Variants in UBASH3A observed in about 807,000 individuals in gnomAD.
The protein encoded by UBASH3A is ubiquitin-associated and SH3 domain-containing protein A.
Under a neutral mutation model 73.5 loss-of-function variants are expected in UBASH3A, and 63 were observed. The observed-to-expected ratio is 0.86, with a 90% CI of 0.70 to 1.06. The LOEUF is 1.06. Among genes scored for constraint, UBASH3A ranks in the 50% least tolerant of loss-of-function variants. The pLI is 0.00. For missense variants in UBASH3A, 860 were observed against 859.0 expected (o/e 1.00, Z -0.02); for synonymous variants, 363 against 351.1 (o/e 1.03, Z -0.38).
At chr21:42,441,501 G>A (rs2053742260) in intron 11 of UBASH3A, among the ~76,000 whole-genome samples, 1 of 142,128 alleles carries the variant, frequency 7.0e-6, no homozygotes, top group African/African-American at 2.6e-5. Context: ...TTGGGGGCCT[G>A]GTTGATGAAG....
chr21:42,407,948 A>C (rs568604338), intron 2 of UBASH3A, among the ~76,000 whole-genome samples: 1 of 152,260 alleles, frequency 6.6e-6, no homozygotes, highest in South Asian at 2.1e-4. Context: ...ACTTCACTAG[A>C]CACGTGTGTA....
At chr21:42,432,300 G>A in intron 9 of UBASH3A, 98 bp downstream of exon 9, 1 of 774,182 alleles carries the variant, frequency 1.3e-6, no homozygotes, top group Non-Finnish European at 2.1e-6. Context: ...GATCCCCTGA[G>A]GCACCATTCT....
intron 14 of UBASH3A, 107 bp from the exon 15 acceptor site, chr21:42,446,950 G>A (rs1366928992): frequency 9.7e-6 from 13 of 1,336,144 alleles, no homozygotes; most frequent in Admixed American, 4.2e-5. Context: ...CTGGGCAGTC[G>A]CAGACCCTCC....
At chr21:42,417,270 G>A (rs7281235) in intron 6 of UBASH3A, among the ~76,000 whole-genome samples, 2,595 of 151,486 alleles carry the variant, frequency 0.017, 75 homozygotes, top group African/African-American at 0.058. Flanking sequence ...TAAAAATACA[G>A]AAAATTAGCC....
rs2053600493 is a variant in UBASH3A at position 42,434,920 on chromosome 21, A to G, written c.1359A>G (p.Leu453=). The part of the protein sequence containing the change: ...GIKDFENDPP[L]SSCGIFQSRI... The stretch of plus-strand genomic sequence containing the variant: ...AAGACTTTGAAAACGATCCCCCATT[A>G]TCATCGTGTGGCATTTTCCAGTCCA... The change falls in exon 10 of 15, where the codon TTA becomes TTG. Residue 453 remains leucine (L), a synonymous_variant. Transcript: ENST00000319294. 1 of 1,614,236 alleles carries G rather than the reference A, an allele frequency of 6.2e-7. No homozygotes were observed. The highest frequency in any genetic ancestry group is 1.1e-5 in the South Asian group (1 of 91,088).
intron 2 of UBASH3A, among the ~76,000 whole-genome samples, 190 bp downstream of exon 2, chr21:42,406,551 G>T (rs2052981224): frequency 6.6e-6 from 1 of 152,138 alleles, no homozygotes; most frequent in African/African-American, 2.4e-5. Flanking sequence ...ACAGGGCTTT[G>T]GTTAACCATG....
intron 8 of UBASH3A, among the ~76,000 whole-genome samples, chr21:42,431,276 C>T (rs1361691588): frequency 6.6e-6 from 1 of 152,236 alleles, no homozygotes; most frequent in East Asian, 1.9e-4. Context: ...AGGCCCCTCC[C>T]AAAGGGTAGC....
chr21:42,435,694 T>C (rs1401967747), intron 10 of UBASH3A, among the ~76,000 whole-genome samples: 1 of 150,730 alleles, frequency 6.6e-6, no homozygotes, highest in African/African-American at 2.5e-5. Context: ...AGTTATAGAG[T>C]TGTTATAGAG....
intron 11 of UBASH3A, among the ~76,000 whole-genome samples, chr21:42,439,451 C>T (rs2053689461): frequency 6.6e-6 from 1 of 152,118 alleles, no homozygotes; most frequent in African/African-American, 2.4e-5. Flanking sequence ...ATCACGGCAC[C>T]TCTGGGCTCT....
At chr21:42,445,182 T>A (rs1339493868) in intron 14 of UBASH3A, among the ~76,000 whole-genome samples, 1 of 152,214 alleles carries the variant, frequency 6.6e-6, no homozygotes, top group African/African-American at 2.4e-5. Flanking sequence ...ACCTTGATTA[T>A]CACTCAGCAA....
At chr21:42,444,423 G>A in intron 13 of UBASH3A, 111 bp from the exon 14 acceptor site, 6 of 805,370 alleles carry the variant, frequency 7.4e-6, no homozygotes, top group Non-Finnish European at 1.3e-5. Flanking sequence ...GTCTCGCCAG[G>A]CTTCGGGGCA....
chr21:42,408,506 A>G (rs2053022796), intron 2 of UBASH3A, among the ~76,000 whole-genome samples: 1 of 152,154 alleles, frequency 6.6e-6, no homozygotes, highest in South Asian at 2.1e-4. Context: ...GAGTGTGGGC[A>G]TTTTAAGACT....
intron 5 of UBASH3A, among the ~76,000 whole-genome samples, chr21:42,415,213 C>T (rs1186011370): frequency 1.3e-5 from 2 of 152,244 alleles, no homozygotes; most frequent in South Asian, 2.1e-4. Flanking sequence ...GTCGGTGTGA[C>T]TCACTCTGAC....
At chr21:42,440,507 C>T (rs943777647) in intron 11 of UBASH3A, among the ~76,000 whole-genome samples, 1 of 152,206 alleles carries the variant, frequency 6.6e-6, no homozygotes, top group African/African-American at 2.4e-5. Context: ...CCTCAGTTTC[C>T]CCTCTTCTCC....
At chr21:42,444,451 C>T (rs1259873028) in intron 13 of UBASH3A, 83 bp from the exon 14 acceptor site, 4 of 1,025,704 alleles carry the variant, frequency 3.9e-6, no homozygotes, top group Non-Finnish European at 6.1e-6. Flanking sequence ...ATAGCTCTGC[C>T]CCCCACCACT....
intron 11 of UBASH3A, among the ~76,000 whole-genome samples, chr21:42,439,399 AG>A (rs968287387): frequency 2.8e-4 from 42 of 152,282 alleles, no homozygotes; most frequent in African/African-American, 9.4e-4. Context: ...ACAGAAATGC[AG>A]ACTTACTTCA....
intron 3 of UBASH3A, among the ~76,000 whole-genome samples, chr21:42,412,748 A>T (rs2146506836): frequency 6.6e-6 from 1 of 152,258 alleles, no homozygotes; most frequent in Middle Eastern, 3.4e-3. Flanking sequence ...CCATGGAGGG[A>T]GGGGATGCAG....
chr21:42,447,488 C>T lies in UBASH3A; in HGVS notation c.*294C>T, dbSNP rs962471365. The T allele has an allele frequency of 1.4e-5, 4 of 284,472 alleles. No homozygotes were observed. The highest frequency in any genetic ancestry group is 2.2e-5 in the African/African-American group (1 of 45,492). 17.6% of individuals were successfully genotyped at this position (284,472 alleles called of 1,614,324 possible). On this transcript the variant is annotated 3_prime_UTR_variant, in exon 15 of 15. Transcript: ENST00000319294. ...GTCTGCAGCTGGGGACACAACTGCCCGGGACTCTAACTTCCAGGAATTAAA... is the reference window on the plus strand; with the variant it reads ...GTCTGCAGCTGGGGACACAACTGCCTGGGACTCTAACTTCCAGGAATTAAA...
chr21:42,419,107 G>T (rs2053283740), intron 7 of UBASH3A, among the ~76,000 whole-genome samples: 1 of 152,212 alleles, frequency 6.6e-6, no homozygotes, highest in African/African-American at 2.4e-5. Flanking sequence ...TAATCAAGGT[G>T]CCTGCCAGGG....
Sources: allele counts gnomAD v4.1 joint callset (sites outside exome capture counted in the v4.1 genomes callset), GRCh38; gene constraint gnomAD v4.1.1; transcripts MANE v1.5; gene names NCBI Gene and HGNC (gene_info 2026-07-23, HGNC 2026-07-21).